Variants in GRIN2C observed in about 807,000 individuals in gnomAD.
GRIN2C encodes the protein glutamate receptor ionotropic, NMDA 2C.
A neutral mutation model predicts 77.7 loss-of-function variants in GRIN2C; 64 were observed. The ratio of observed to expected loss-of-function variants is 0.82; its 90% CI spans 0.67 to 1.01. The LOEUF is 1.01. Ranked by LOEUF, GRIN2C falls within the 50% of genes least tolerant of loss-of-function variation. The pLI, the probability that GRIN2C is intolerant of heterozygous loss-of-function variation, is 0.00. For synonymous variants in GRIN2C, 792 were observed against 643.4 expected (o/e 1.23, Z -3.49); for missense variants, 1,549 against 1,486.0 (o/e 1.04, Z -0.70).
At chr17:74,857,324 A>C (rs2053143177) in intron 1 of GRIN2C, among the ~76,000 whole-genome samples, 1 of 152,196 alleles carries the variant, frequency 6.6e-6, no homozygotes, top group African/African-American at 2.4e-5. Flanking sequence ...GCCTTAAGCT[A>C]AAGTGCCAGG....
chr17:74,846,022 G>A lies in GRIN2C; in HGVS notation c.2350+44C>T. 2.6e-6 allele frequency: 4 copies of A among 1,565,994 alleles called. 1 individual carries two copies. The highest frequency in any genetic ancestry group is 1.1e-5 in the South Asian group (1 of 89,836). ...GTGGTGGAAATGCTGACAACCTTGG[G>A]CTCCACAGCCCACCCTGGGCATCCC... On this transcript the variant is annotated intron_variant, in intron 11 of 12. Coordinates refer to ENST00000293190, the MANE Select transcript of GRIN2C (RefSeq NM_000835.6). The surrounding 1 kb of genome is among the most constrained non-coding windows in gnomAD (Gnocchi z 4.4).
rs150392616 is a variant in GRIN2C, at chr17:74,845,180, T to G, written c.2351-672A>C. Among the ~76,000 whole-genome samples the G allele has an allele frequency of 6.6e-4, 101 of 152,144 alleles. 1 individual carries two copies. The Middle Eastern group carries it at 0.01, about 15-fold the overall frequency. On this transcript the variant is annotated intron_variant, in intron 11 of 12. Transcript: ENST00000293190. Reference sequence around the variant, plus strand: ...CCTAGACTTAAGCAATCCTCACACCTTGGCCTCCCAAAGTGCTGGGATTAC... The same window carrying G: ...CCTAGACTTAAGCAATCCTCACACCGTGGCCTCCCAAAGTGCTGGGATTAC...
chr17:74,847,586 A>G lies in GRIN2C; in HGVS notation c.1772-49T>C. The G allele has an allele frequency of 7.2e-7, 1 of 1,385,208 alleles. No individual in the cohort carries two copies. The highest frequency in any genetic ancestry group is 1.2e-5 in the South Asian group (1 of 84,584). The allele number at this position is 1,385,208 out of a possible 1,614,324, so 85.8% of individuals were successfully genotyped here. On this transcript the variant is annotated intron_variant, in intron 8 of 12. Coordinates refer to ENST00000293190, the MANE Select transcript of GRIN2C (RefSeq NM_000835.6). This position sits in a 1 kb window ranked among gnomAD's most constrained non-coding sequence, Gnocchi z 5.2. ...GCTGGAGCTCCTCCTGCCCACCATG[A>G]AAGGGCTCAGGGCTCAGCCCACCCG...
chr17:74,852,344 C>T lies in GRIN2C; in HGVS notation c.667G>A (p.Val223Met), dbSNP rs914323518. The change falls in exon 3 of 13, where the codon GTG becomes ATG. Residue 223 changes from valine (V) to methionine (M), a missense_variant. Val to Met is a conservative substitution (Grantham distance 21). Coordinates refer to ENST00000293190, the MANE Select transcript of GRIN2C (RefSeq NM_000835.6). Reference sequence around the variant, plus strand: ...TCGCGCGAGCAGTAGGCCACAAACACGGGCGCGTCGAGCTGGCGCAGCAGG... The same window carrying T: ...TCGCGCGAGCAGTAGGCCACAAACATGGGCGCGTCGAGCTGGCGCAGCAGG... The part of the protein sequence containing the change: ...QRLLRQLDAP[V>M]FVAYCSREEA... The T allele has an allele frequency of 4.8e-6, 7 of 1,456,436 alleles. No homozygotes were observed. The highest frequency in any genetic ancestry group is 5.4e-6 in the Non-Finnish European group (6 of 1,111,770). The allele number at this position is 1,456,436 out of a possible 1,614,324, so 90.2% of individuals were successfully genotyped here.
chr17:74,847,596 G>A lies in GRIN2C; in HGVS notation c.1772-59C>T. 2 of 1,284,446 alleles carry A rather than the reference G, an allele frequency of 1.6e-6. No individual in the cohort carries two copies. The highest frequency in any genetic ancestry group is 2.4e-5 in the South Asian group (2 of 81,808). The allele number at this position is 1,284,446 out of a possible 1,614,324, so 79.6% of individuals were successfully genotyped here. A position where few individuals can be genotyped will look rare whatever the true frequency, so the allele number is the denominator to read the frequency against. On this transcript the variant is annotated intron_variant, in intron 8 of 12. Coordinates refer to ENST00000293190, the MANE Select transcript of GRIN2C (RefSeq NM_000835.6). This position sits in a 1 kb window ranked among gnomAD's most constrained non-coding sequence, Gnocchi z 5.2. The stretch of plus-strand genomic sequence containing the variant: ...CTCCTGCCCACCATGAAAGGGCTCA[G>A]GGCTCAGCCCACCCGACTGCACAGC...
chr17:74,858,801 G>T (rs1458879113), intron 1 of GRIN2C, among the ~76,000 whole-genome samples: 2 of 151,902 alleles, frequency 1.3e-5, no homozygotes, highest in African/African-American at 4.8e-5. Context: ...CCACAGCTCT[G>T]CCAGTCTGCT....
Position 74,843,485 on chromosome 17 carries a change from G to A in GRIN2C, c.2652C>T (p.Leu884=), listed in dbSNP as rs780158400. 4.6e-6 allele frequency: 7 copies of A among 1,534,014 alleles called. No individual in the cohort carries two copies. The highest frequency in any genetic ancestry group is 5.2e-6 in the Non-Finnish European group (6 of 1,146,386). The part of the protein sequence containing the change: ...ASPPRQASPD[L]TASSAQASVL... ...CGCTGGCCTGGGCCGAGCTGGCCGT[G>A]AGGTCCGGGCTGGCCTGCCGCGGTG... Residue 884 remains leucine (L), a synonymous_variant, in exon 13 of 13, where the codon CTC becomes CTT. Transcript: ENST00000293190.
rs762812577 is a variant in GRIN2C at position 74,847,298 on chromosome 17, GC to G, written c.2001+9del. ...CCCCCCCCCACCCCCAGCAGCTATG[GC>G]CCCACAACCTTCTTGTCACTGAGGC... On this transcript the variant is annotated intron_variant, in intron 9 of 12. Coordinates refer to ENST00000293190, the MANE Select transcript of GRIN2C (RefSeq NM_000835.6). The surrounding 1 kb of genome is among the most constrained non-coding windows in gnomAD (Gnocchi z 5.2). The G allele has an allele frequency of 7.8e-7, 1 of 1,281,546 alleles. No individual in the cohort carries two copies. The highest frequency in any genetic ancestry group is 2.0e-4 in the Middle Eastern group (1 of 5,096). The allele number at this position is 1,281,546 out of a possible 1,614,324, so 79.4% of individuals were successfully genotyped here.
chr17:74,854,378 C>G (rs992015999), intron 2 of GRIN2C: 1 of 303,066 alleles, frequency 3.3e-6, no homozygotes, highest in East Asian at 6.0e-5. Flanking sequence ...GGCTGGCCCT[C>G]TGGGTCTTCA....
rs960685712 is a variant in GRIN2C at position 74,854,733 on chromosome 17, G to A, written c.360C>T (p.Leu120=). The A allele has an allele frequency of 6.2e-7, 1 of 1,611,072 alleles. No homozygotes were observed. The highest frequency in any genetic ancestry group is 8.5e-7 in the Non-Finnish European group (1 of 1,177,542). The part of the protein sequence containing the change: ...FISSQTHVPI[L]SISGGSAVVL... ...CCACAGCAGAGCCTCCGCTGATGCT[G>A]AGGATGGGCACATGGGTCTGGGAGG... The change falls in exon 2 of 13, where the codon CTC becomes CTT. Residue 120 remains leucine, a synonymous_variant. Coordinates refer to ENST00000293190, the MANE Select transcript of GRIN2C (RefSeq NM_000835.6).
intron 11 of GRIN2C, 117 bp from the exon 12 acceptor site, chr17:74,844,625 C>T (rs2037402852): frequency 1.4e-6 from 2 of 1,467,794 alleles, no homozygotes; most frequent in Non-Finnish European, 1.8e-6. Context: ...CCACCCACTT[C>T]TTCCTCAAGC....
Position 74,847,233 on chromosome 17 carries a change from CCAGGGCCTGCCCACT to C in GRIN2C, c.2001+60_2001+74del, listed in dbSNP as rs1214403062. The C allele has an allele frequency of 1.9e-5, 22 of 1,160,500 alleles. No homozygotes were observed. The highest frequency in any genetic ancestry group is 2.6e-4 in the Middle Eastern group (1 of 3,836). The allele number at this position is 1,160,500 out of a possible 1,614,324, so 71.9% of individuals were successfully genotyped here. On this transcript the variant is annotated intron_variant, in intron 9 of 12. Coordinates refer to ENST00000293190, the MANE Select transcript of GRIN2C (RefSeq NM_000835.6). The surrounding 1 kb of genome is among the most constrained non-coding windows in gnomAD (Gnocchi z 5.2). ...GGTCAAATTCCCCAGACTCGACTGTCCAGGGCCTGCCCACTCACGGCCTGTCCCCACCCTCAGTGC... is the reference window on the plus strand; with the variant it reads ...GGTCAAATTCCCCAGACTCGACTGTCCACGGCCTGTCCCCACCCTCAGTGC...
At chr17:74,845,970 T>C (rs1333565263) in intron 11 of GRIN2C, 96 bp downstream of exon 11, 5 of 1,172,304 alleles carry the variant, frequency 4.3e-6, no homozygotes, top group Non-Finnish European at 6.3e-6. Context: ...GACCTCTCCC[T>C]GCTCACAGGC....
chr17:74,851,093 TA>T (rs1280228076), intron 4 of GRIN2C: 18 of 397,400 alleles, frequency 4.5e-5, no homozygotes, highest in Non-Finnish European at 8.3e-5. Flanking sequence ...TCTTCCAGGC[TA>T]GCACCTCTTC....
intron 2 of GRIN2C, chr17:74,852,837 C>T (rs1052822932): frequency 1.3e-4 from 54 of 416,250 alleles, no homozygotes; most frequent in Non-Finnish European, 1.7e-5. Flanking sequence ...CCCGCAGACC[C>T]GCAGCATCAG....
chr17:74,854,483 T>G, intron 2 of GRIN2C: 1 of 545,616 alleles, frequency 1.8e-6, no homozygotes. Context: ...CCACCCCTCA[T>G]CCAGACACAA....
rs992287304 is a variant in GRIN2C, at chr17:74,843,436, G to A, written c.2701C>T (p.Arg901Cys). Residue 901 changes from arginine to cysteine, a missense_variant, in exon 13 of 13, where the codon CGC (arginine) becomes TGC (cysteine). Arg to Cys is a radical substitution (Grantham distance 180, BLOSUM62 -3). Around this residue, in one of 3 missense-constraint regions of GRIN2C, gnomAD observed 450 missense variants for 267.9 expected, o/e 1.68. Coordinates refer to ENST00000293190, the MANE Select transcript of GRIN2C (RefSeq NM_000835.6). The part of the protein sequence containing the change: ...ASVLKMLQAA[R>C]DMVTTAGVSS... The stretch of plus-strand genomic sequence containing the variant: ...ACGCCCGCCGTGGTCACCATGTCGC[G>A]GGCTGCCTGCAGCATCTTGAGCACG... 138 of 1,535,684 alleles carry A rather than the reference G, an allele frequency of 9.0e-5. No homozygotes were observed. The highest frequency in any genetic ancestry group is 1.2e-4 in the Non-Finnish European group (133 of 1,146,230).
Position 74,851,578 on chromosome 17 carries a change from A to G in GRIN2C, c.1112T>C (p.Met371Thr), listed in dbSNP as rs1469790425. ...IALNRHRLWEMVGRWEHGVLY... is the reference protein window; with the variant it reads ...IALNRHRLWETVGRWEHGVLY... ...CCCCTGGGCTCACCCCCTTCTCACCATCTCCCAGAGGCGGTGCCGGTTGAG... is the reference window on the plus strand; with the variant it reads ...CCCCTGGGCTCACCCCCTTCTCACCGTCTCCCAGAGGCGGTGCCGGTTGAG... The change falls in exon 4 of 13, where the codon ATG becomes ACG. Residue 371 changes from methionine to threonine, a missense_variant and splice_region_variant. Coordinates refer to ENST00000293190, the MANE Select transcript of GRIN2C (RefSeq NM_000835.6). 6.5e-7 allele frequency: 1 copy of G among 1,544,528 alleles called. No individual in the cohort carries two copies. The highest frequency in any genetic ancestry group is 2.4e-5 in the East Asian group (1 of 41,316).
At position 74,846,926 on chromosome 17, in the gene GRIN2C, G is replaced by A. The variant is rs1237905002; in HGVS notation, c.2002-6C>T. On this transcript the variant is annotated splice_region_variant and splice_polypyrimidine_tract_variant and intron_variant, in intron 9 of 12. Transcript: ENST00000293190. This position sits in a 1 kb window ranked among gnomAD's most constrained non-coding sequence, Gnocchi z 4.4. ...TGATCTTGAGGCCGCTGAAACTGCAGGCGGAGGGCAGCAGCCAGTCACAAC... is the reference window on the plus strand; with the variant it reads ...TGATCTTGAGGCCGCTGAAACTGCAAGCGGAGGGCAGCAGCCAGTCACAAC... The A allele has an allele frequency of 1.2e-6, 2 of 1,604,008 alleles. No homozygotes were observed. The highest frequency in any genetic ancestry group is 1.7e-6 in the Non-Finnish European group (2 of 1,173,128).
Sources: allele counts gnomAD v4.1 joint callset (sites outside exome capture counted in the v4.1 genomes callset), GRCh38; gene constraint gnomAD v4.1.1; regional missense constraint gnomAD v4.1.1; non-coding constraint Gnocchi (gnomAD v3.1); transcripts MANE v1.5; gene names NCBI Gene and HGNC (gene_info 2026-07-23, HGNC 2026-07-21).